The following TBL1X variants were observed in gnomAD, a reference collection of about 807,000 sequenced individuals.
TBL1X encodes transducin beta like 1 X-linked.
TBL1X carries 10 observed loss-of-function variants against 50.7 expected under a neutral mutation model. The observed-to-expected ratio is 0.20, with a 90% CI of 0.12 to 0.33. The LOEUF (loss-of-function observed/expected upper bound fraction) is 0.33, where lower values mean the gene tolerates loss of function less well. TBL1X is among the 10% of genes least tolerant of loss of function. The pLI, the probability that TBL1X is intolerant of heterozygous loss-of-function variation, is 1.00. For missense variants in TBL1X, 340 were observed against 504.4 expected (o/e 0.67, Z 3.12); for synonymous variants, 190 against 214.7 (o/e 0.88, Z 1.01).
At chrX:9,570,701 G>A (rs1474092487) in intron 2 of TBL1X, among the ~76,000 whole-genome samples, 7 of 91,927 alleles carry the variant, frequency 7.6e-5, no homozygotes, top group Non-Finnish European at 1.3e-4. Context: ...TTTTTGAGAT[G>A]GAGTCTTGCT....
chrX:9,479,251 G>T (rs1414334345), intron 1 of TBL1X, among the ~76,000 whole-genome samples: 1 of 112,633 alleles, frequency 8.9e-6, no homozygotes, highest in Non-Finnish European at 1.9e-5. Context: ...TTCGAGACCA[G>T]CCTGACCAAC....
intron 1 of TBL1X, among the ~76,000 whole-genome samples, chrX:9,482,151 T>C (rs1328810222): frequency 8.9e-6 from 1 of 112,286 alleles, no homozygotes; most frequent in Non-Finnish European, 1.9e-5. Context: ...ACTAATGCTT[T>C]CAAATTTTTC....
At chrX:9,631,785 T>G (rs1280345108) in intron 2 of TBL1X, among the ~76,000 whole-genome samples, 1 of 113,041 alleles carries the variant, frequency 8.8e-6, no homozygotes, top group East Asian at 2.8e-4. Context: ...TGTTTATATT[T>G]ACTATTTCTG....
At chrX:9,624,880 G>T (rs1435322421) in intron 2 of TBL1X, among the ~76,000 whole-genome samples, 1 of 112,364 alleles carries the variant, frequency 8.9e-6, no homozygotes, top group Non-Finnish European at 1.9e-5. Flanking sequence ...TTTAACATCT[G>T]CTAGAGCTCA....
chrX:9,549,465 T>G (rs1569221889), intron 2 of TBL1X, among the ~76,000 whole-genome samples: 1 of 112,571 alleles, frequency 8.9e-6, no homozygotes, highest in Non-Finnish European at 1.9e-5. Flanking sequence ...TCAGAGAAAT[T>G]TATTTTCTCT....
intron 5 of TBL1X, among the ~76,000 whole-genome samples, chrX:9,665,258 G>C (rs2082920617): frequency 9.4e-6 from 1 of 106,657 alleles, no homozygotes; most frequent in Non-Finnish European, 1.9e-5. Flanking sequence ...ATAATTGAGA[G>C]TAGCAGACTT....
At chrX:9,527,148 A>T (rs192620738) in intron 2 of TBL1X, among the ~76,000 whole-genome samples, 16 of 112,267 alleles carry the variant, frequency 1.4e-4, no homozygotes, top group African/African-American at 5.2e-4. Flanking sequence ...TTGCTTCCCT[A>T]GCCCACGTTG....
chrX:9,695,608 G>A (rs923490917), intron 11 of TBL1X, among the ~76,000 whole-genome samples: 2 of 111,846 alleles, frequency 1.8e-5, no homozygotes, highest in East Asian at 2.8e-4. Flanking sequence ...TAATCCATCC[G>A]GTACTGCCAA....
chrX:9,569,151 G>A (rs1328233706), intron 2 of TBL1X, among the ~76,000 whole-genome samples: 3 of 105,336 alleles, frequency 2.8e-5, no homozygotes, highest in Non-Finnish European at 5.9e-5. Flanking sequence ...TCTGCAGTGT[G>A]CTGTGTGTGT....
chrX:9,631,481 A>C (rs1359777424), intron 2 of TBL1X, among the ~76,000 whole-genome samples: 2 of 112,280 alleles, frequency 1.8e-5, no homozygotes, highest in Non-Finnish European at 3.8e-5. Flanking sequence ...CTTCACAGTA[A>C]GCTTATTAGC....
At chrX:9,500,424 G>A (rs963801395) in intron 1 of TBL1X, among the ~76,000 whole-genome samples, 14 of 110,436 alleles carry the variant, frequency 1.3e-4, no homozygotes, top group Admixed American at 5.8e-4. Flanking sequence ...GTGAAACCCC[G>A]TCTCTACTAA....
At chrX:9,556,069 G>A (rs186236400) in intron 2 of TBL1X, among the ~76,000 whole-genome samples, 1 of 109,332 alleles carries the variant, frequency 9.1e-6, no homozygotes, top group South Asian at 4.1e-4. Flanking sequence ...CACACCTGTG[G>A]TCCCAGCTAC....
chrX:9,472,661 C>A (rs993662603), intron 1 of TBL1X, among the ~76,000 whole-genome samples: 1 of 110,028 alleles, frequency 9.1e-6, no homozygotes, highest in African/African-American at 3.3e-5. Flanking sequence ...GCTCATGCCC[C>A]CCAGCACTTT....
At chrX:9,674,101 A>AT (rs2082976526) in intron 5 of TBL1X, among the ~76,000 whole-genome samples, 2 of 112,473 alleles carry the variant, frequency 1.8e-5, no homozygotes, top group Admixed American at 1.9e-4. Flanking sequence ...AAAATAATAC[A>AT]TTGGAAAAAA....
chrX:9,581,848 T>G (rs1000449682), intron 2 of TBL1X, among the ~76,000 whole-genome samples: 2 of 112,062 alleles, frequency 1.8e-5, no homozygotes, highest in African/African-American at 6.5e-5. Flanking sequence ...AAATGAGAGC[T>G]GGAGGCCTGC....
In TBL1X at chrX:9,691,630, G is replaced by T; in HGVS notation, c.668G>T (p.Ser223Ile). 1 of 1,211,158 alleles carries T rather than the reference G, an allele frequency of 8.3e-7. No homozygotes were observed. The highest frequency in any genetic ancestry group is 1.1e-6 in the Non-Finnish European group (1 of 895,251). ...EIDGEVEIPSSKATVLRGHES... is the reference protein window; with the variant it reads ...EIDGEVEIPSIKATVLRGHES... ...GATGGAGAGGTTGAGATTCCATCCA[G>T]CAAAGCCACAGTCCTTCGGGGCCAT... The change falls in exon 8 of 18, where the codon AGC becomes ATC. Residue 223 changes from serine to isoleucine, a missense_variant. Coordinates refer to ENST00000645353, the MANE Select transcript of TBL1X (RefSeq NM_005647.4).
chrX:9,705,435 C>T (rs1050085016), intron 13 of TBL1X, among the ~76,000 whole-genome samples: 1 of 110,401 alleles, frequency 9.1e-6, no homozygotes, highest in Non-Finnish European at 1.9e-5. Context: ...GGCACATCTG[C>T]AGTGAATAGA....
chrX:9,709,855 T>C (rs1298905087), intron 15 of TBL1X, 95 bp downstream of exon 15: 1 of 1,090,853 alleles, frequency 9.2e-7, no homozygotes, highest in East Asian at 3.2e-5. Flanking sequence ...GTTGAAGCCC[T>C]TCAGAGGAAG....
At chrX:9,559,342 G>A (rs1012126769) in intron 2 of TBL1X, among the ~76,000 whole-genome samples, 1 of 111,401 alleles carries the variant, frequency 9.0e-6, no homozygotes, top group African/African-American at 3.3e-5. Flanking sequence ...TTTCCTGGGT[G>A]GGGAGTTAGA....
Sources: allele counts gnomAD v4.1 joint callset (sites outside exome capture counted in the v4.1 genomes callset), GRCh38; gene constraint gnomAD v4.1.1; transcripts MANE v1.5; gene names NCBI Gene and HGNC (gene_info 2026-07-23, HGNC 2026-07-21).